The following CSMD1 variants were observed in gnomAD, a reference collection of about 807,000 sequenced individuals.
CSMD1 encodes the protein CUB and Sushi multiple domains 1.
Under a neutral mutation model 417.5 loss-of-function variants are expected in CSMD1, and 213 were observed. The ratio of observed to expected loss-of-function variants is 0.51; its 90% CI spans 0.46 to 0.57. The LOEUF (loss-of-function observed/expected upper bound fraction) is 0.57, where lower values mean the gene tolerates loss of function less well. Ranked by LOEUF, CSMD1 falls within the 20% of genes least tolerant of loss-of-function variation. CSMD1 has a pLI of 0.00. For missense variants in CSMD1, 6,923 were observed against 4,529.7 expected (o/e 1.53, Z -15.17); for synonymous variants, 2,862 against 1,736.8 (o/e 1.65, Z -16.11).
intron 3 of CSMD1, among the ~76,000 whole-genome samples, chr8:4,237,136 C>G (rs10503243): frequency 0.35 from 52,754 of 152,102 alleles, 11,130 homozygotes; most frequent in Non-Finnish European, 0.49. Context: ...CACGGAAGCC[C>G]TAAAGAAATT....
intron 2 of CSMD1, among the ~76,000 whole-genome samples, chr8:4,625,560 T>C (rs144543098): frequency 7.2e-5 from 11 of 151,940 alleles, no homozygotes; most frequent in Admixed American, 7.2e-4. Context: ...AGGACTTCCC[T>C]GCCTCCCCTG....
intron 6 of CSMD1, among the ~76,000 whole-genome samples, chr8:3,745,923 C>G (rs1194520154): frequency 2.6e-5 from 4 of 152,182 alleles, no homozygotes; most frequent in African/African-American, 9.7e-5. Flanking sequence ...CTGGTCACAG[C>G]AGCAGGCCGG....
chr8:4,272,845 G>C (rs1204794408), intron 3 of CSMD1, among the ~76,000 whole-genome samples: 1 of 152,084 alleles, frequency 6.6e-6, no homozygotes, highest in African/African-American at 2.4e-5. Flanking sequence ...TGATGAATAA[G>C]TCTCGACACA....
chr8:4,345,653 C>T (rs1000654183), intron 3 of CSMD1, among the ~76,000 whole-genome samples: 14 of 152,032 alleles, frequency 9.2e-5, no homozygotes, highest in Non-Finnish European at 1.5e-4. Context: ...GTTCAAATGA[C>T]TGGAAGAGAC....
chr8:4,207,128 G>A (rs946549450), intron 3 of CSMD1, among the ~76,000 whole-genome samples: 1 of 152,066 alleles, frequency 6.6e-6, no homozygotes, highest in African/African-American at 2.4e-5. Flanking sequence ...CTTAAAAATA[G>A]GACAGTTGGT....
chr8:3,096,292 G>T (rs1448947526), intron 47 of CSMD1, among the ~76,000 whole-genome samples: 2 of 152,148 alleles, frequency 1.3e-5, no homozygotes, highest in Non-Finnish European at 2.9e-5. Context: ...TTCTTGAATT[G>T]TAAATCCCAC....
At chr8:4,744,623 G>A (rs1030021196) in intron 1 of CSMD1, among the ~76,000 whole-genome samples, 4 of 152,032 alleles carry the variant, frequency 2.6e-5, no homozygotes, top group Admixed American at 6.6e-5. Context: ...ATTTTCATAG[G>A]AGCAACTCTA....
chr8:4,648,002 C>A (rs1235273886), intron 1 of CSMD1, among the ~76,000 whole-genome samples: 1 of 152,222 alleles, frequency 6.6e-6, no homozygotes, highest in Non-Finnish European at 1.5e-5. Flanking sequence ...CTGTCTTCCT[C>A]AGTTGTTGAA....
chr8:4,054,419 A>C (rs2554532), intron 3 of CSMD1, among the ~76,000 whole-genome samples: 137,559 of 152,178 alleles, frequency 0.9, 62,374 homozygotes, highest in East Asian at 0.99. Flanking sequence ...GGCACCCATC[A>C]TACCCCTAAA....
chr8:3,791,209 CAT>C (rs1480641691), intron 5 of CSMD1, among the ~76,000 whole-genome samples: 1 of 152,190 alleles, frequency 6.6e-6, no homozygotes, highest in Non-Finnish European at 1.5e-5. Context: ...CTACCCCAAA[CAT>C]AAACTTCCAC....
In CSMD1 at chr8:3,183,637, T is replaced by C. The variant is rs150505639; in HGVS notation, c.5621-2423A>G. ...ATGTTTCTTAACGATACCATCGGCA[T>C]CCACCGACGTCACGAACTGAACGCC... On this transcript the variant is annotated intron_variant, in intron 36 of 69. Transcript: ENST00000635120. Among the ~76,000 whole-genome samples, 273 of 142,580 alleles carry C rather than the reference T, an allele frequency of 1.9e-3. 1 individual carries two copies. Among genetic ancestry groups the C allele is most frequent in the Middle Eastern group, 9.4e-3 (2 of 212 alleles). 93.5% of individuals were successfully genotyped at this position (142,580 alleles called of 152,430 possible).
intron 44 of CSMD1, 44 bp downstream of exon 44, chr8:3,108,559 C>G: frequency 6.2e-7 from 1 of 1,601,512 alleles, no homozygotes; most frequent in Non-Finnish European, 8.5e-7. Context: ...GGAAACACCA[C>G]ATGGAATTCT....
chr8:3,494,583 GATA>G (rs1563092089), intron 10 of CSMD1, among the ~76,000 whole-genome samples: 1 of 151,848 alleles, frequency 6.6e-6, no homozygotes, highest in Non-Finnish European at 1.5e-5. Context: ...TAGATAGATA[GATA>G]GATAGATAGA....
At chr8:3,673,005 T>C (rs1253095927) in intron 7 of CSMD1, among the ~76,000 whole-genome samples, 3 of 152,230 alleles carry the variant, frequency 2.0e-5, no homozygotes, top group East Asian at 3.9e-4. Context: ...ACACATACCA[T>C]GCTTTCCTTG....
At chr8:4,842,473 T>C (rs4875396) in intron 1 of CSMD1, among the ~76,000 whole-genome samples, 94,521 of 151,666 alleles carry the variant, frequency 0.62, 29,994 homozygotes, top group East Asian at 0.95. Context: ...TCATGAGTTG[T>C]CAGATGCAAT....
At chr8:4,925,113 A>C (rs538679008) in intron 1 of CSMD1, among the ~76,000 whole-genome samples, 1 of 152,076 alleles carries the variant, frequency 6.6e-6, no homozygotes, top group African/African-American at 2.4e-5. Context: ...AACTAGCATT[A>C]TAAGTCTTTC....
At chr8:4,443,543 T>C (rs1009726945) in intron 2 of CSMD1, among the ~76,000 whole-genome samples, 1 of 152,210 alleles carries the variant, frequency 6.6e-6, no homozygotes, top group East Asian at 1.9e-4. Flanking sequence ...TCACGAATGA[T>C]ATGTCAGCCA....
chr8:4,353,546 G>A (rs991703521), intron 3 of CSMD1, among the ~76,000 whole-genome samples: 1 of 151,782 alleles, frequency 6.6e-6, no homozygotes, highest in African/African-American at 2.4e-5. Flanking sequence ...ACCTTTCCTA[G>A]GAAATATACT....
At chr8:3,775,610 A>T (rs1798851583) in intron 5 of CSMD1, among the ~76,000 whole-genome samples, 1 of 152,170 alleles carries the variant, frequency 6.6e-6, no homozygotes, top group African/African-American at 2.4e-5. Flanking sequence ...TAAAGTTCGT[A>T]AATTGTTGGG....
Sources: allele counts gnomAD v4.1 joint callset (sites outside exome capture counted in the v4.1 genomes callset), GRCh38; gene constraint gnomAD v4.1.1; transcripts MANE v1.5; gene names NCBI Gene and HGNC (gene_info 2026-07-23, HGNC 2026-07-21).